CALN1: variants seen among roughly 807,000 people sequenced by gnomAD.
CALN1 encodes calcium-binding protein 8.
A neutral mutation model predicts 30.6 loss-of-function variants in CALN1; 17 were observed. That is an observed-to-expected ratio of 0.56 (90% CI 0.38 to 0.83). CALN1 has a LOEUF of 0.83. Among genes scored for constraint, CALN1 ranks in the 40% least tolerant of loss-of-function variants. CALN1 has a pLI of 0.00. For synonymous variants in CALN1, 156 were observed against 131.4 expected (o/e 1.19, Z -1.28); for missense variants, 291 against 354.9 (o/e 0.82, Z 1.45).
At chr7:72,222,025 A>C (rs775435207) in intron 3 of CALN1, among the ~76,000 whole-genome samples, 7 of 152,154 alleles carry the variant, frequency 4.6e-5, no homozygotes, top group Non-Finnish European at 8.8e-5. Context: ...CAGGTGTTTG[A>C]GACCAGCCTG....
chr7:72,303,241 C>G (rs1799419464), intron 2 of CALN1, among the ~76,000 whole-genome samples: 1 of 152,042 alleles, frequency 6.6e-6, no homozygotes, highest in Non-Finnish European at 1.5e-5. Flanking sequence ...CCCAGAAGAC[C>G]ACAGTGGGGG....
In CALN1 at chr7:72,294,571, G is replaced by C. The variant is rs528149607; in HGVS notation, c.120-15761C>G. 2.6e-5 allele frequency among the ~76,000 whole-genome samples: 4 copies of C among 151,996 alleles called. 1 individual carries two copies. Among genetic ancestry groups the C allele is most frequent in the Non-Finnish European group, 1.5e-5 (1 of 67,990 alleles). On this transcript the variant is annotated intron_variant, in intron 2 of 6. Transcript: ENST00000395275. Reference sequence around the variant, plus strand: ...TTGAGACCAGCCTGGGCAACACAGCGAAACCTCATCTCTATGAAAAATTTA... The same window carrying C: ...TTGAGACCAGCCTGGGCAACACAGCCAAACCTCATCTCTATGAAAAATTTA...
At chr7:71,936,866 T>G (rs991523566) in intron 5 of CALN1, among the ~76,000 whole-genome samples, 1 of 151,436 alleles carries the variant, frequency 6.6e-6, no homozygotes, top group Non-Finnish European at 1.5e-5. Context: ...TGGTAGTGAG[T>G]AAGTCTCATG....
intron 3 of CALN1, among the ~76,000 whole-genome samples, chr7:72,265,556 C>T (rs1796543545): frequency 1.3e-5 from 2 of 151,972 alleles, no homozygotes; most frequent in African/African-American, 2.4e-5. Context: ...TGGGGGAGCA[C>T]GATGGGGCTT....
rs386410439 is a variant in CALN1, at chr7:72,197,178, C to CTTTTTTTTTT, written c.244+81498_244+81507dup. Among the ~76,000 whole-genome samples the CTTTTTTTTTT allele has an allele frequency of 9.3e-5, 6 of 64,208 alleles. 1 individual carries two copies. The highest frequency in any genetic ancestry group is 1.1e-3 in the East Asian group (2 of 1,802). 42.1% of individuals were successfully genotyped at this position (64,208 alleles called of 152,430 possible). Reference sequence around the variant, plus strand: ...TTTTCATTGTCAAATGGAAGGTTTGCTTTTTTTTTTTTTTTTTTTTTTTTG... The same window carrying CTTTTTTTTTT: ...TTTTCATTGTCAAATGGAAGGTTTGCTTTTTTTTTTTTTTTTTTTTTTTTTTTTTTTTTTG... On this transcript the variant is annotated intron_variant, in intron 3 of 6. Transcript: ENST00000395275.
chr7:72,193,780 T>C (rs923610083), intron 3 of CALN1, among the ~76,000 whole-genome samples: 1 of 152,098 alleles, frequency 6.6e-6, no homozygotes, highest in African/African-American at 2.4e-5. Context: ...TATTCAGCCA[T>C]AAAAAGGAAC....
intron 3 of CALN1, among the ~76,000 whole-genome samples, chr7:72,111,766 T>C (rs1807592304): frequency 6.6e-6 from 1 of 150,812 alleles, no homozygotes. Context: ...TTTTTTTTTG[T>C]TGGAGATGGC....
At chr7:71,947,294 A>C (rs1796455369) in intron 5 of CALN1, among the ~76,000 whole-genome samples, 1 of 152,172 alleles carries the variant, frequency 6.6e-6, no homozygotes, top group Non-Finnish European at 1.5e-5. Context: ...TACAGGCTTG[A>C]GCCACTGCGC....
intron 5 of CALN1, among the ~76,000 whole-genome samples, chr7:71,921,225 G>C (rs937406659): frequency 3.3e-5 from 5 of 152,126 alleles, no homozygotes; most frequent in African/African-American, 1.2e-4. Context: ...TGGGGGTCTA[G>C]GGAAGGGAGA....
chr7:72,079,556 C>G (rs529477120), intron 4 of CALN1, among the ~76,000 whole-genome samples: 4 of 152,204 alleles, frequency 2.6e-5, no homozygotes, highest in Admixed American at 6.5e-5. Context: ...TACTCTCGCA[C>G]CAACCTAATA....
At chr7:72,188,135 G>A (rs1418480585) in intron 3 of CALN1, among the ~76,000 whole-genome samples, 1 of 152,076 alleles carries the variant, frequency 6.6e-6, no homozygotes, top group Non-Finnish European at 1.5e-5. Flanking sequence ...TCTGCTCGGA[G>A]GAAAAGAAAT....
chr7:72,323,688 G>A (rs1046681496), intron 2 of CALN1, among the ~76,000 whole-genome samples: 3 of 150,552 alleles, frequency 2.0e-5, no homozygotes, highest in African/African-American at 7.3e-5. Flanking sequence ...AAAATAAAGA[G>A]AACAAAAAGA....
chr7:72,292,026 A>G (rs1054544510), intron 2 of CALN1, among the ~76,000 whole-genome samples: 1 of 152,146 alleles, frequency 6.6e-6, no homozygotes, highest in African/African-American at 2.4e-5. Context: ...GAATTTCAAC[A>G]TATGACTTTT....
intron 5 of CALN1, among the ~76,000 whole-genome samples, chr7:72,020,541 T>C (rs1441792847): frequency 6.6e-6 from 1 of 152,190 alleles, no homozygotes; most frequent in East Asian, 1.9e-4. Context: ...ATGGATGTTT[T>C]TGTTCTTGCT....
intron 3 of CALN1, among the ~76,000 whole-genome samples, chr7:72,246,753 A>ATTTTTTTTTTTTTT (rs58282615): frequency 1.2e-4 from 14 of 116,578 alleles, no homozygotes; most frequent in Non-Finnish European, 1.7e-4. Context: ...TACCAGAACA[A>ATTTTTTTTTTTTTT]TTTTTTTTTT....
intron 1 of CALN1, among the ~76,000 whole-genome samples, chr7:72,431,091 G>A (rs1252817676): frequency 1.3e-5 from 2 of 149,830 alleles, no homozygotes; most frequent in Non-Finnish European, 2.9e-5. Flanking sequence ...CACCACACCC[G>A]GCTAATTTTT....
At chr7:72,493,737 C>T in the CALN1 span, among the ~76,000 whole-genome samples, 963 of 152,302 alleles carry the variant, frequency 6.3e-3, 31 homozygotes, top group East Asian at 0.1. Context: ...GGAAGGAAAA[C>T]AAATTCTATT....
chr7:72,083,067 G>A (rs1805254136), intron 4 of CALN1, among the ~76,000 whole-genome samples: 1 of 152,150 alleles, frequency 6.6e-6, no homozygotes. Flanking sequence ...CAGGTGTGGT[G>A]GCGGGCGCCT....
intron 4 of CALN1, among the ~76,000 whole-genome samples, chr7:72,035,133 T>C (rs1474063432): frequency 6.6e-6 from 1 of 152,178 alleles, no homozygotes; most frequent in Non-Finnish European, 1.5e-5. Flanking sequence ...ATATAAAATG[T>C]ACCATCACAA....
Sources: allele counts gnomAD v4.1 joint callset (sites outside exome capture counted in the v4.1 genomes callset), GRCh38; gene constraint gnomAD v4.1.1; transcripts MANE v1.5; gene names NCBI Gene and HGNC (gene_info 2026-07-23, HGNC 2026-07-21).